The following ATXN1 variants were observed in gnomAD, a reference collection of about 807,000 sequenced individuals.
ATXN1 encodes the protein ataxin-1.
ATXN1 carries 8 observed loss-of-function variants against 56.4 expected under a neutral mutation model. The ratio of observed to expected loss-of-function variants is 0.14; its 90% CI spans 0.08 to 0.26. ATXN1 has a LOEUF of 0.26. ATXN1 is among the 10% of genes least tolerant of loss of function. ATXN1 has a pLI of 1.00. For missense variants in ATXN1, 987 were observed against 1,106.5 expected, an observed-to-expected ratio of 0.89 and a Z score of 1.53; for synonymous variants, 514 against 494.6, an observed-to-expected ratio of 1.04 and a Z score of -0.52.
At chr6:16,748,315 A>T (rs1760600463) in intron 2 of ATXN1, among the ~76,000 whole-genome samples, 1 of 152,184 alleles carries the variant, frequency 6.6e-6, no homozygotes, top group Admixed American at 6.5e-5. Flanking sequence ...CCCTTCCTTG[A>T]TCCTGACTTC....
At chr6:16,472,839 A>G (rs1300863284) in intron 6 of ATXN1, among the ~76,000 whole-genome samples, 3 of 152,204 alleles carry the variant, frequency 2.0e-5, no homozygotes, top group African/African-American at 7.2e-5. Flanking sequence ...AAGGTGCCAG[A>G]GCAGAACCCT....
intron 6 of ATXN1, among the ~76,000 whole-genome samples, chr6:16,469,891 AG>A: frequency 6.6e-6 from 1 of 151,698 alleles, no homozygotes; most frequent in Non-Finnish European, 1.5e-5. Flanking sequence ...TGAACCTGGG[AG>A]GCAGAGGTTT....
intron 1 of ATXN1, among the ~76,000 whole-genome samples, chr6:16,758,629 C>G (rs1186760910): frequency 6.6e-6 from 1 of 152,200 alleles, no homozygotes; most frequent in Non-Finnish European, 1.5e-5. Flanking sequence ...TGGAGTAGTT[C>G]AGGCACAAGA....
intron 1 of ATXN1, among the ~76,000 whole-genome samples, chr6:16,757,350 A>G (rs1442077926): frequency 1.3e-5 from 2 of 152,228 alleles, no homozygotes; most frequent in Non-Finnish European, 2.9e-5. Context: ...ACTGAAAAAT[A>G]TATGTTCACA....
chr6:16,574,600 C>G (rs990501593), intron 4 of ATXN1, among the ~76,000 whole-genome samples: 3 of 152,194 alleles, frequency 2.0e-5, no homozygotes, highest in African/African-American at 7.2e-5. Context: ...CCACCTCGGC[C>G]TACCTAAGTG....
At chr6:16,449,493 CT>C (rs2113610320) in intron 6 of ATXN1, among the ~76,000 whole-genome samples, 1 of 152,096 alleles carries the variant, frequency 6.6e-6, no homozygotes, top group South Asian at 2.1e-4. Flanking sequence ...TTATGAGTTT[CT>C]TCTTCTTCTT....
chr6:16,739,846 C>T (rs1310453174), intron 2 of ATXN1: 1 of 456,910 alleles, frequency 2.2e-6, no homozygotes, highest in East Asian at 7.0e-5. Context: ...GGCAAAGACA[C>T]CAAGTCCCGG....
intron 7 of ATXN1, among the ~76,000 whole-genome samples, chr6:16,312,572 T>C (rs1303511063): frequency 1.3e-5 from 2 of 152,128 alleles, no homozygotes; most frequent in Admixed American, 6.5e-5. Flanking sequence ...TAGGAGTGGC[T>C]GGGCACGGTG....
At position 16,475,030 on chromosome 6, in the gene ATXN1, T is replaced by C. The variant is rs146298192; in HGVS notation, c.-161+10942A>G. Among the ~76,000 whole-genome samples, 9 of 152,292 alleles carry C rather than the reference T, an allele frequency of 5.9e-5. No individual in the cohort carries two copies. In the East Asian group the frequency reaches 1.7e-3, roughly 29 times the overall value. On this transcript the variant is annotated intron_variant, in intron 6 of 7. Transcript: ENST00000436367. ...ATCAAAATGTATTTTAATGTTTTAC[T>C]TTTTCAGAGTTCTACTCATATCAAC...
At chr6:16,336,978 T>G (rs1338346758) in intron 6 of ATXN1, among the ~76,000 whole-genome samples, 2 of 152,146 alleles carry the variant, frequency 1.3e-5, no homozygotes, top group African/African-American at 2.4e-5. Context: ...CTCATTCGGG[T>G]GGTCGCTGGC....
chr6:16,350,654 G>T (rs1381754206), intron 6 of ATXN1, among the ~76,000 whole-genome samples: 1 of 152,238 alleles, frequency 6.6e-6, no homozygotes, highest in Non-Finnish European at 1.5e-5. Flanking sequence ...TTTGGCCAAA[G>T]ACGGGTCTGC....
chr6:16,684,411 A>C (rs1029443980), intron 2 of ATXN1, among the ~76,000 whole-genome samples: 3 of 152,238 alleles, frequency 2.0e-5, no homozygotes, highest in Admixed American at 2.0e-4. Flanking sequence ...TTGTAACATA[A>C]AGATTCTCAG....
intron 4 of ATXN1, among the ~76,000 whole-genome samples, chr6:16,529,591 C>T (rs1210365516): frequency 6.6e-6 from 1 of 152,210 alleles, no homozygotes; most frequent in Non-Finnish European, 1.5e-5. Flanking sequence ...CTCAAGAGCA[C>T]TGGCCTTGCT....
At chr6:16,558,917 A>C (rs1561754510) in intron 4 of ATXN1, among the ~76,000 whole-genome samples, 1 of 147,844 alleles carries the variant, frequency 6.8e-6, no homozygotes, top group Admixed American at 6.7e-5. Flanking sequence ...ACATGCTCCT[A>C]AAAAAAAAAG....
intron 2 of ATXN1, among the ~76,000 whole-genome samples, chr6:16,711,252 A>G (rs1759516456): frequency 1.3e-5 from 2 of 152,196 alleles, no homozygotes; most frequent in African/African-American, 4.8e-5. Context: ...TACACCTCAT[A>G]TCTTAATTTG....
chr6:16,443,059 G>A (rs1759550544), intron 6 of ATXN1, among the ~76,000 whole-genome samples: 1 of 151,968 alleles, frequency 6.6e-6, no homozygotes, highest in Admixed American at 6.6e-5. Context: ...GGGCACACCT[G>A]TAGTCCCAGC....
chr6:16,385,639 A>C (rs1045198993), intron 6 of ATXN1, among the ~76,000 whole-genome samples: 2 of 152,224 alleles, frequency 1.3e-5, no homozygotes, highest in Non-Finnish European at 2.9e-5. Context: ...AAAGTTTAAA[A>C]TCTCTAACTT....
chr6:16,574,391 T>C (rs1762385086), intron 4 of ATXN1, among the ~76,000 whole-genome samples: 1 of 152,190 alleles, frequency 6.6e-6, no homozygotes, highest in Non-Finnish European at 1.5e-5. Context: ...GTATTTTTAG[T>C]AGAAACGGGG....
intron 7 of ATXN1, among the ~76,000 whole-genome samples, chr6:16,312,302 C>T (rs969342855): frequency 5.9e-5 from 9 of 151,968 alleles, no homozygotes; most frequent in African/African-American, 1.5e-4. Context: ...TCATTATTTC[C>T]GCATCTCAAA....
Sources: gnomAD v4.1 joint callset for allele counts (sites outside exome capture counted in the v4.1 genomes callset) on GRCh38, gnomAD v4.1.1 for gene constraint, MANE v1.5 for transcripts, NCBI Gene and HGNC (gene_info 2026-07-23, HGNC 2026-07-21) for gene names.